Variants in HYCC2 observed in about 807,000 individuals in gnomAD.
The protein encoded by HYCC2 is hyccin PI4KA lipid kinase complex subunit 2.
the HYCC2 span, chr2:201,009,541 C>A: frequency 6.5e-6 from 1 of 153,938 alleles, no homozygotes; most frequent in Non-Finnish European, 1.4e-5. Context: ...CTCACTGAAA[C>A]CTCCGCCTTT....
the HYCC2 span, among the ~76,000 whole-genome samples, chr2:201,045,202 A>C: frequency 6.6e-6 from 1 of 152,222 alleles, no homozygotes. Context: ...GCCATCATCA[A>C]AGAAGTTCTA....
chr2:201,044,513 C>T, the HYCC2 span, among the ~76,000 whole-genome samples: 6 of 152,186 alleles, frequency 3.9e-5, no homozygotes, highest in Non-Finnish European at 7.3e-5. Context: ...TTTGTCCAAG[C>T]TCTCTAAGTA....
At chr2:201,029,861 A>G in the HYCC2 span, among the ~76,000 whole-genome samples, 1 of 152,186 alleles carries the variant, frequency 6.6e-6, no homozygotes, top group African/African-American at 2.4e-5. Context: ...GCAAACCAAC[A>G]TGGCACATGT....
At chr2:201,047,339 G>C in the HYCC2 span, among the ~76,000 whole-genome samples, 5 of 151,594 alleles carry the variant, frequency 3.3e-5, no homozygotes, top group African/African-American at 1.2e-4. Context: ...GAATGGAAGA[G>C]AGAGGAAGGG....
At chr2:201,051,484 A>G in the HYCC2 span, among the ~76,000 whole-genome samples, 1 of 152,338 alleles carries the variant, frequency 6.6e-6, no homozygotes, top group South Asian at 2.1e-4. Context: ...TTATTAAAAT[A>G]AGTGAATTTA....
chr2:201,013,473 C>G, the HYCC2 span, among the ~76,000 whole-genome samples: 1 of 147,036 alleles, frequency 6.8e-6, no homozygotes, highest in Admixed American at 6.7e-5. Context: ...CCACTGCACT[C>G]CATTTCAAAA....
chr2:201,064,031 G>A, the HYCC2 span: 2 of 1,594,668 alleles, frequency 1.3e-6, no homozygotes, highest in Non-Finnish European at 8.5e-7. Flanking sequence ...CAGTAGCTAT[G>A]GCAGTGGCAG....
At chr2:201,033,224 T>A in the HYCC2 span, among the ~76,000 whole-genome samples, 1 of 138,358 alleles carries the variant, frequency 7.2e-6, no homozygotes, top group African/African-American at 2.8e-5. Flanking sequence ...AGAGATGAGA[T>A]CTCTCTCTGT....
the HYCC2 span, among the ~76,000 whole-genome samples, chr2:201,013,305 ACT>A: frequency 6.6e-6 from 1 of 152,024 alleles, no homozygotes; most frequent in Non-Finnish European, 1.5e-5. Flanking sequence ...CCCAATCTCT[ACT>A]AAAAATACAG....
the HYCC2 span, among the ~76,000 whole-genome samples, chr2:201,055,937 C>A: frequency 6.6e-6 from 1 of 152,076 alleles, no homozygotes; most frequent in Admixed American, 6.6e-5. Flanking sequence ...ACCTGTAATC[C>A]CAGCACTTTG....
chr2:201,004,893 T>G, the HYCC2 span, among the ~76,000 whole-genome samples: 8 of 151,972 alleles, frequency 5.3e-5, no homozygotes, highest in East Asian at 1.2e-3. Context: ...GGCGGGCGCC[T>G]GTAGTCCCAG....
the HYCC2 span, among the ~76,000 whole-genome samples, chr2:201,058,181 A>G: frequency 6.6e-6 from 1 of 152,166 alleles, no homozygotes; most frequent in Non-Finnish European, 1.5e-5. Context: ...TTTCCATAGC[A>G]TACAACCCTG....
the HYCC2 span, among the ~76,000 whole-genome samples, chr2:201,029,057 T>C: frequency 6.6e-6 from 1 of 152,108 alleles, no homozygotes; most frequent in Non-Finnish European, 1.5e-5. Flanking sequence ...AATCTACCCA[T>C]CTAACAAAGG....
At chr2:200,984,622 C>T in the HYCC2 span, among the ~76,000 whole-genome samples, 4 of 152,202 alleles carry the variant, frequency 2.6e-5, no homozygotes, top group Non-Finnish European at 5.9e-5. Flanking sequence ...TGGTGGCTTA[C>T]GCCTGTAATC....
the HYCC2 span, among the ~76,000 whole-genome samples, chr2:201,060,052 A>AGGG: frequency 2.1e-5 from 1 of 46,762 alleles, no homozygotes; most frequent in African/African-American, 6.4e-5. Flanking sequence ...CTAAAAAAAA[A>AGGG]GCGGGGGGGG....
the HYCC2 span, among the ~76,000 whole-genome samples, chr2:201,025,273 G>T: frequency 6.6e-6 from 1 of 152,140 alleles, no homozygotes; most frequent in East Asian, 1.9e-4. Flanking sequence ...GATTCCGTAA[G>T]AATTAATTGG....
At chr2:201,031,802 A>G in the HYCC2 span, among the ~76,000 whole-genome samples, 1 of 152,088 alleles carries the variant, frequency 6.6e-6, no homozygotes, top group Non-Finnish European at 1.5e-5. Flanking sequence ...TTTTCTTCCA[A>G]TTGTTCTAAT....
At chr2:200,988,916 T>C in the HYCC2 span, among the ~76,000 whole-genome samples, 7 of 152,296 alleles carry the variant, frequency 4.6e-5, no homozygotes, top group Middle Eastern at 0.02. Flanking sequence ...GTTGTACTAA[T>C]CTAGCAAAAA....
At chr2:200,991,785 G>T in the HYCC2 span, among the ~76,000 whole-genome samples, 1 of 151,880 alleles carries the variant, frequency 6.6e-6, no homozygotes, top group Non-Finnish European at 1.5e-5. Flanking sequence ...AATAGGCTGG[G>T]TGTGGTGTCA....
Sources: gnomAD v4.1 joint callset for allele counts (sites outside exome capture counted in the v4.1 genomes callset) on GRCh38, gnomAD v4.1.1 for gene constraint, MANE v1.5 for transcripts, NCBI Gene and HGNC (gene_info 2026-07-23, HGNC 2026-07-21) for gene names.